The following CERT1 variants were observed in gnomAD, a reference collection of about 807,000 sequenced individuals.
CERT1 encodes ceramide transporter 1.
In CERT1, 31 loss-of-function variants were observed where a neutral mutation model predicts 87.9. The observed-to-expected ratio is 0.35, with a 90% confidence interval of 0.27 to 0.48. CERT1 has a LOEUF of 0.48. Among genes scored for constraint, CERT1 ranks in the 20% least tolerant of loss-of-function variants. CERT1 has a pLI of 0.99. For synonymous variants in CERT1, 289 were observed against 250.9 expected (o/e 1.15, Z -1.44); for missense variants, 487 against 758.0 (o/e 0.64, Z 4.20).
intron 11 of CERT1, among the ~76,000 whole-genome samples, chr5:75,390,512 C>A (rs936342416): frequency 4.6e-5 from 7 of 151,904 alleles, no homozygotes; most frequent in African/African-American, 1.5e-4. Flanking sequence ...TTAATTATCA[C>A]AAATTGTCCT....
intron 2 of CERT1, among the ~76,000 whole-genome samples, chr5:75,466,976 T>C (rs950241604): frequency 9.2e-5 from 14 of 152,168 alleles, no homozygotes; most frequent in South Asian, 8.3e-4. Context: ...ATGCTGAACA[T>C]AAAATTCAGA....
rs184802867 is a variant in CERT1 at position 75,475,771 on chromosome 5, A to G, written c.232-16590T>C. Among the ~76,000 whole-genome samples, 7 of 151,928 alleles carry G rather than the reference A, an allele frequency of 4.6e-5. No individual in the cohort carries two copies. In the East Asian group the frequency reaches 1.4e-3, roughly 29 times the overall value. On this transcript the variant is annotated intron_variant, in intron 2 of 16. Coordinates refer to ENST00000643780, the MANE Select transcript of CERT1 (RefSeq NM_001379029.1). ...GTATATTCATATACAGAACTTGCTTATGTTACTTTCCAGCCTATCAGAGGT... is the reference window on the plus strand; with the variant it reads ...GTATATTCATATACAGAACTTGCTTGTGTTACTTTCCAGCCTATCAGAGGT...
intron 12 of CERT1, 56 bp downstream of exon 12, chr5:75,389,533 GATA>G: frequency 7.9e-7 from 1 of 1,260,154 alleles, no homozygotes; most frequent in Non-Finnish European, 1.2e-6. Context: ...CAATAGTAAT[GATA>G]ATATGACTGA....
In CERT1 at chr5:75,494,295, T is replaced by C. The variant is rs140048865; in HGVS notation, c.231+11687A>G. ...ATATTGTTATCTTTAGGTCAAAACTTTTACGCTGGTCAGATTCTTAGAAAA... is the reference window on the plus strand; with the variant it reads ...ATATTGTTATCTTTAGGTCAAAACTCTTACGCTGGTCAGATTCTTAGAAAA... On this transcript the variant is annotated intron_variant, in intron 2 of 16. Transcript: ENST00000643780. Among the ~76,000 whole-genome samples the C allele has an allele frequency of 2.1e-3, 317 of 152,302 alleles. 1 individual carries two copies. The East Asian group carries it at 0.027, about 13-fold the overall frequency.
intron 5 of CERT1, among the ~76,000 whole-genome samples, chr5:75,422,628 AAAGG>A: frequency 6.6e-6 from 1 of 151,612 alleles, no homozygotes; most frequent in Non-Finnish European, 1.5e-5. Context: ...AATAAAAATC[AAAGG>A]ATCAATCAAT....
At chr5:75,434,923 A>G (rs746617584) in intron 3 of CERT1, among the ~76,000 whole-genome samples, 11 of 152,018 alleles carry the variant, frequency 7.2e-5, no homozygotes, top group Non-Finnish European at 1.3e-4. Flanking sequence ...TTATTTTTCC[A>G]AAGAACCAAG....
intron 3 of CERT1, among the ~76,000 whole-genome samples, chr5:75,435,359 A>C (rs991095726): frequency 6.6e-6 from 1 of 152,136 alleles, no homozygotes; most frequent in African/African-American, 2.4e-5. Flanking sequence ...CTTGGACTGC[A>C]TTTCAACCTT....
intron 9 of CERT1, 169 bp downstream of exon 9, chr5:75,402,799 CAAAA>C (rs77625109): frequency 3.1e-4 from 105 of 333,550 alleles, no homozygotes; most frequent in Middle Eastern, 8.9e-4. Context: ...GACTCTGTCT[CAAAA>C]AAAAAAAAAA....
chr5:75,470,584 C>G (rs1561285980), intron 2 of CERT1, among the ~76,000 whole-genome samples: 1 of 152,078 alleles, frequency 6.6e-6, no homozygotes, highest in Non-Finnish European at 1.5e-5. Flanking sequence ...CATAAAAACA[C>G]TCAACAAATT....
intron 8 of CERT1, among the ~76,000 whole-genome samples, chr5:75,404,035 T>C (rs775269481): frequency 2.6e-5 from 4 of 152,172 alleles, no homozygotes; most frequent in Non-Finnish European, 2.9e-5. Flanking sequence ...TAGCATTTCT[T>C]AAATGTTAAA....
At chr5:75,500,069 C>T (rs1767275598) in intron 2 of CERT1, among the ~76,000 whole-genome samples, 1 of 152,080 alleles carries the variant, frequency 6.6e-6, no homozygotes, top group African/African-American at 2.4e-5. Context: ...AAAAAGAATG[C>T]CATGTGTACA....
intron 2 of CERT1, among the ~76,000 whole-genome samples, chr5:75,473,243 G>C (rs1765796080): frequency 6.6e-6 from 1 of 152,064 alleles, no homozygotes; most frequent in African/African-American, 2.4e-5. Flanking sequence ...ACCATGCCTA[G>C]CTCATTTTTT....
intron 3 of CERT1, among the ~76,000 whole-genome samples, chr5:75,447,470 A>T (rs921264155): frequency 4.6e-5 from 7 of 150,676 alleles, no homozygotes; most frequent in East Asian, 1.9e-4. Context: ...TTATTTATTT[A>T]TTTATTTTTT....
At chr5:75,450,534 T>A (rs1764729734) in intron 3 of CERT1, among the ~76,000 whole-genome samples, 2 of 152,192 alleles carry the variant, frequency 1.3e-5, no homozygotes, top group African/African-American at 4.8e-5. Context: ...AGAGAACCTT[T>A]CCCGATCCAG....
chr5:75,426,327 C>T (rs1763615096), intron 4 of CERT1, 44 bp downstream of exon 4: 1 of 1,363,348 alleles, frequency 7.3e-7, no homozygotes, highest in Non-Finnish European at 1.0e-6. Flanking sequence ...CAATACTAAA[C>T]TCAATTTATG....
At chr5:75,427,512 T>C (rs566090799) in intron 3 of CERT1, among the ~76,000 whole-genome samples, 103 of 152,116 alleles carry the variant, frequency 6.8e-4, no homozygotes, top group Non-Finnish European at 1.1e-3. Flanking sequence ...GGCAGGAGAA[T>C]CGCCTGAACC....
At chr5:75,435,144 C>T (rs988850240) in intron 3 of CERT1, among the ~76,000 whole-genome samples, 5 of 152,176 alleles carry the variant, frequency 3.3e-5, no homozygotes, top group African/African-American at 4.8e-5. Flanking sequence ...AATTCTATCT[C>T]TTTTATTTCT....
At chr5:75,455,633 C>T (rs1764951009) in intron 3 of CERT1, among the ~76,000 whole-genome samples, 1 of 152,090 alleles carries the variant, frequency 6.6e-6, no homozygotes, top group African/African-American at 2.4e-5. Flanking sequence ...ATATACTGTC[C>T]TGTTTGACAA....
At chr5:75,475,790 C>T (rs917945244) in intron 2 of CERT1, among the ~76,000 whole-genome samples, 13 of 151,912 alleles carry the variant, frequency 8.6e-5, no homozygotes, top group African/African-American at 3.1e-4. Context: ...TCCAGCCTAT[C>T]AGAGGTCACA....
Sources: gnomAD v4.1 joint callset for allele counts (sites outside exome capture counted in the v4.1 genomes callset) on GRCh38, gnomAD v4.1.1 for gene constraint, MANE v1.5 for transcripts, NCBI Gene and HGNC (gene_info 2026-07-23, HGNC 2026-07-21) for gene names.